SUGCT: variants seen among roughly 807,000 people sequenced by gnomAD.
The protein encoded by SUGCT is succinyl-CoA:glutarate-CoA transferase.
A neutral mutation model predicts 55.0 loss-of-function variants in SUGCT; 41 were observed. The ratio of observed to expected loss-of-function variants is 0.74; its 90% CI spans 0.58 to 0.97. The LOEUF is 0.97. SUGCT is among the 50% of genes least tolerant of loss of function. The pLI is 0.00. For missense variants in SUGCT, 568 were observed against 547.8 expected, an observed-to-expected ratio of 1.04 and a Z score of -0.37; for synonymous variants, 187 against 200.4, an observed-to-expected ratio of 0.93 and a Z score of 0.56.
At chr7:40,732,832 G>A (rs1227953634) in intron 12 of SUGCT, among the ~76,000 whole-genome samples, 1 of 152,202 alleles carries the variant, frequency 6.6e-6, no homozygotes, top group East Asian at 1.9e-4. Flanking sequence ...CAACACGCCT[G>A]TAATCCCAGC....
intron 13 of SUGCT, among the ~76,000 whole-genome samples, chr7:40,780,790 T>A (rs375342213): frequency 4.1e-4 from 54 of 130,268 alleles, no homozygotes; most frequent in Non-Finnish European, 7.2e-4. Context: ...TTTTTTTTTT[T>A]AATTTTGTTG....
At chr7:40,442,596 A>G (rs777736405) in intron 9 of SUGCT, among the ~76,000 whole-genome samples, 3 of 152,000 alleles carry the variant, frequency 2.0e-5, no homozygotes, top group Non-Finnish European at 2.9e-5. Context: ...CTTCTTTACT[A>G]GAAAAGTTGT....
rs561154726 is a variant in SUGCT at position 40,142,995 on chromosome 7, G to A, written c.100+7875G>A. Among the ~76,000 whole-genome samples the A allele has an allele frequency of 3.9e-5, 6 of 152,184 alleles. No homozygotes were observed. In the East Asian group the frequency reaches 1.2e-3, roughly 29 times the overall value. On this transcript the variant is annotated intron_variant, in intron 1 of 13. Coordinates refer to ENST00000335693, the MANE Select transcript of SUGCT (RefSeq NM_001193313.2). ...CAAATTCTGTAGCTATTTGATTTTG[G>A]GGTTTAAATTGATCTGGTATTCCCT...
At chr7:40,916,608 C>T in the SUGCT span, among the ~76,000 whole-genome samples, 1 of 152,200 alleles carries the variant, frequency 6.6e-6, no homozygotes, top group East Asian at 1.9e-4. Context: ...TTGAATACTT[C>T]TCTTTCTGAA....
At chr7:40,576,732 T>C (rs767336606) in intron 12 of SUGCT, among the ~76,000 whole-genome samples, 1 of 152,180 alleles carries the variant, frequency 6.6e-6, no homozygotes, top group Non-Finnish European at 1.5e-5. Flanking sequence ...TCTGAACTCT[T>C]TCATCAAATA....
the SUGCT span, among the ~76,000 whole-genome samples, chr7:41,033,272 T>G: frequency 6.6e-6 from 1 of 152,210 alleles, no homozygotes; most frequent in Non-Finnish European, 1.5e-5. Context: ...TTTCCCTTCA[T>G]CTCTTCTGTC....
At chr7:40,479,883 A>G (rs971277895) in intron 11 of SUGCT, among the ~76,000 whole-genome samples, 3 of 152,072 alleles carry the variant, frequency 2.0e-5, no homozygotes, top group Admixed American at 1.3e-4. Context: ...TATATTTGCT[A>G]TGGAGATGTA....
At chr7:40,902,601 A>G in the SUGCT span, among the ~76,000 whole-genome samples, 2 of 151,864 alleles carry the variant, frequency 1.3e-5, no homozygotes, top group African/African-American at 2.4e-5. Context: ...AAAGAGAAAA[A>G]AAAACCAAAA....
chr7:40,185,681 C>A (rs1243689608), intron 3 of SUGCT, among the ~76,000 whole-genome samples: 1 of 152,126 alleles, frequency 6.6e-6, no homozygotes, highest in African/African-American at 2.4e-5. Flanking sequence ...TGCCATCACC[C>A]CCGGCTAATT....
At chr7:40,194,102 A>G (rs971218756) in intron 5 of SUGCT, among the ~76,000 whole-genome samples, 2 of 152,168 alleles carry the variant, frequency 1.3e-5, no homozygotes, top group Non-Finnish European at 2.9e-5. Flanking sequence ...AGTAGCCTGA[A>G]GAAAAAAAAC....
intron 9 of SUGCT, among the ~76,000 whole-genome samples, chr7:40,344,975 C>T (rs776179206): frequency 2.0e-5 from 3 of 152,136 alleles, no homozygotes; most frequent in South Asian, 2.1e-4. Flanking sequence ...TTCGATTCTC[C>T]ATAGGTACTT....
intron 9 of SUGCT, among the ~76,000 whole-genome samples, chr7:40,351,655 T>TA (rs1797638601): frequency 6.6e-6 from 1 of 152,222 alleles, no homozygotes; most frequent in Non-Finnish European, 1.5e-5. Context: ...ATTTTGTCAA[T>TA]AAAACATTTA....
chr7:40,590,511 G>C (rs1446496600), intron 12 of SUGCT, among the ~76,000 whole-genome samples: 1 of 152,214 alleles, frequency 6.6e-6, no homozygotes, highest in Non-Finnish European at 1.5e-5. Context: ...TGAAGTAGCA[G>C]GTGCTGATGT....
At chr7:40,693,142 C>T (rs17528582) in intron 12 of SUGCT, among the ~76,000 whole-genome samples, 26,070 of 152,160 alleles carry the variant, frequency 0.17, 2,599 homozygotes, top group Non-Finnish European at 0.23. Flanking sequence ...ACCAACTCTT[C>T]TCTTCACAGT....
intron 8 of SUGCT, among the ~76,000 whole-genome samples, chr7:40,296,336 T>C (rs1794141877): frequency 6.6e-6 from 1 of 152,196 alleles, no homozygotes; most frequent in East Asian, 1.9e-4. Flanking sequence ...TCACCTACTT[T>C]ATCGCTGGAT....
intron 6 of SUGCT, among the ~76,000 whole-genome samples, chr7:40,235,160 C>T (rs1788942593): frequency 6.6e-6 from 1 of 150,774 alleles, no homozygotes; most frequent in Non-Finnish European, 1.5e-5. Context: ...ATTTTAATTC[C>T]TTCATATTAA....
chr7:40,377,980 G>T (rs1296394162), intron 9 of SUGCT, among the ~76,000 whole-genome samples: 2 of 152,098 alleles, frequency 1.3e-5, no homozygotes, highest in Admixed American at 6.5e-5. Flanking sequence ...ATGGTCTGTT[G>T]TATGTAATGA....
At chr7:40,706,201 C>T in intron 12 of SUGCT, among the ~76,000 whole-genome samples, 1 of 151,958 alleles carries the variant, frequency 6.6e-6, no homozygotes, top group East Asian at 1.9e-4. Flanking sequence ...GATTCTTATC[C>T]TTCTGGAAAA....
At chr7:40,725,049 T>C (rs958386231) in intron 12 of SUGCT, among the ~76,000 whole-genome samples, 2 of 152,184 alleles carry the variant, frequency 1.3e-5, no homozygotes, top group African/African-American at 2.4e-5. Context: ...AGACAGGAGC[T>C]GTCGTGGGGC....
Sources: allele counts gnomAD v4.1 joint callset (sites outside exome capture counted in the v4.1 genomes callset), GRCh38; gene constraint gnomAD v4.1.1; transcripts MANE v1.5; gene names NCBI Gene and HGNC (gene_info 2026-07-23, HGNC 2026-07-21).